The following HTT variants were observed in gnomAD, a reference collection of about 807,000 sequenced individuals.
HTT encodes the protein huntingtin.
A neutral mutation model predicts 362.3 loss-of-function variants in HTT; 104 were observed. That is an observed-to-expected ratio of 0.29 (90% CI 0.24 to 0.34). The LOEUF is 0.34. Among genes scored for constraint, HTT ranks in the 10% least tolerant of loss-of-function variants. The pLI is 1.00. For missense variants in HTT, 3,301 were observed against 3,928.6 expected (o/e 0.84, Z 4.27); for synonymous variants, 1,577 against 1,548.7 (o/e 1.02, Z -0.43).
intron 40 of HTT, among the ~76,000 whole-genome samples, chr4:3,191,659 C>T (rs941921458): frequency 6.6e-5 from 10 of 152,136 alleles, no homozygotes; most frequent in African/African-American, 2.4e-5. Flanking sequence ...AAATCTTCAC[C>T]TAGCATTGTT....
chr4:3,186,833 GTTTGC>G, intron 38 of HTT, 114 bp downstream of exon 38: 2 of 362,166 alleles, frequency 5.5e-6, no homozygotes, highest in East Asian at 6.4e-5. Context: ...CTTCTTGAGA[GTTTGC>G]TTTTTTTTTT....
intron 3 of HTT, among the ~76,000 whole-genome samples, chr4:3,103,385 C>T (rs774336503): frequency 2.0e-5 from 3 of 151,440 alleles, no homozygotes; most frequent in African/African-American, 7.3e-5. Flanking sequence ...CCACCACACC[C>T]GGCTAATTTT....
chr4:3,197,710 T>C (rs1421484330), intron 40 of HTT, among the ~76,000 whole-genome samples: 1 of 152,148 alleles, frequency 6.6e-6, no homozygotes, highest in Non-Finnish European at 1.5e-5. Context: ...GTAAGGTGCA[T>C]CCAAGGTCAC....
Position 3,218,661 on chromosome 4 carries a change from C to G in HTT, c.7242+709C>G, listed in dbSNP as rs1402060641. Among the ~76,000 whole-genome samples, 1 of 151,964 alleles carries G rather than the reference C, an allele frequency of 6.6e-6. No homozygotes were observed. Among genetic ancestry groups the G allele is most frequent in the African/African-American group, 2.4e-5 (1 of 41,378 alleles). ...AAAAAAAAAGGTAGGTGTTATTGAT[C>G]AGAACCCTTGTTTCAGATAACATGA... On this transcript the variant is annotated intron_variant, in intron 52 of 66. Transcript: ENST00000355072. The surrounding 1 kb of genome is among the most constrained non-coding windows in gnomAD (Gnocchi z 4.4).
intron 42 of HTT, among the ~76,000 whole-genome samples, chr4:3,205,990 G>A (rs1013053087): frequency 2.6e-5 from 4 of 152,244 alleles, no homozygotes; most frequent in African/African-American, 9.6e-5. Flanking sequence ...TTCATATTTT[G>A]GATTCAACAG....
chr4:3,230,226 T>A (rs1411051475), intron 60 of HTT, among the ~76,000 whole-genome samples, 184 bp downstream of exon 60: 1 of 152,206 alleles, frequency 6.6e-6, no homozygotes, highest in Non-Finnish European at 1.5e-5. Flanking sequence ...CGACGGTCAG[T>A]GCCATTCACA....
At chr4:3,099,871 CTTGTATGGTTTGGAGGTGCTCTG>C (rs1404368079) in intron 3 of HTT, among the ~76,000 whole-genome samples, 2,744 of 145,072 alleles carry the variant, frequency 0.019, 81 homozygotes, top group African/African-American at 0.062. Context: ...TGGAGGTGCT[CTTGTATGGTTTGGAGGTGCTCTG>C]TTGTATGGTT....
intron 53 of HTT, 79 bp from the exon 54 acceptor site, chr4:3,222,308 T>C: frequency 1.7e-6 from 2 of 1,211,202 alleles, no homozygotes; most frequent in Non-Finnish European, 1.2e-6. Context: ...GGGGCCGTGC[T>C]GTGTCGGCGT....
intron 22 of HTT, among the ~76,000 whole-genome samples, chr4:3,141,655 G>T (rs1578531987): frequency 6.6e-6 from 1 of 152,094 alleles, no homozygotes; most frequent in Non-Finnish European, 1.5e-5. Context: ...CCAGCTACTC[G>T]GGAGGCTGAG....
chr4:3,187,558 T>G (rs1718825087), intron 38 of HTT, 93 bp from the exon 39 acceptor site: 1 of 832,230 alleles, frequency 1.2e-6, no homozygotes, highest in Non-Finnish European at 2.0e-6. Context: ...GATAGTAAAA[T>G]AGGAGTTATT....
At chr4:3,188,561 T>C (rs528021328) in intron 39 of HTT, 1 of 175,936 alleles carries the variant, frequency 5.7e-6, no homozygotes, top group East Asian at 1.7e-4. Context: ...TCGAAGGAGA[T>C]AAGCCCAGTA....
At chr4:3,226,222 G>T (rs1161240464) in intron 57 of HTT, among the ~76,000 whole-genome samples, 7 of 152,182 alleles carry the variant, frequency 4.6e-5, no homozygotes, top group Non-Finnish European at 7.3e-5. Flanking sequence ...GCCAGTTCTG[G>T]GTGGGAGCCC....
intron 47 of HTT, among the ~76,000 whole-genome samples, chr4:3,210,165 A>G (rs754397936): frequency 4.0e-4 from 61 of 152,152 alleles, no homozygotes; most frequent in Non-Finnish European, 7.9e-4. Context: ...GGTTATGCTG[A>G]TCGAGACAGA....
intron 5 of HTT, among the ~76,000 whole-genome samples, chr4:3,106,273 T>A (rs1227008853): frequency 6.6e-6 from 1 of 152,132 alleles, no homozygotes; most frequent in Non-Finnish European, 1.5e-5. Flanking sequence ...GGAGGATCAC[T>A]TGAGCCTGGG....
rs1578518197 is a variant in HTT at position 3,125,703 on chromosome 4, C to G, written c.1402+74C>G. The G allele has an allele frequency of 6.2e-5, 67 of 1,087,184 alleles. No homozygotes were observed. The East Asian group carries it at 1.6e-3, about 25-fold the overall frequency. 67.3% of individuals were successfully genotyped at this position (1,087,184 alleles called of 1,614,324 possible). ...CCACCCCTTGCCCTTCCTGCTCGTC[C>G]CCCTGCACCTGGTGGACAGCACGAC... On this transcript the variant is annotated intron_variant, in intron 11 of 66. Transcript: ENST00000355072.
At chr4:3,225,528 C>T in intron 56 of HTT, 133 bp from the exon 57 acceptor site, 2 of 692,982 alleles carry the variant, frequency 2.9e-6, no homozygotes, top group South Asian at 3.7e-5. Context: ...AACCTGGGCC[C>T]TCCTGCCAGT....
At chr4:3,108,080 C>T (rs1416150493) in intron 6 of HTT, among the ~76,000 whole-genome samples, 7 of 152,188 alleles carry the variant, frequency 4.6e-5, no homozygotes, top group African/African-American at 1.7e-4. Context: ...AACTGCCCAA[C>T]AGCTCTAAGC....
intron 1 of HTT, among the ~76,000 whole-genome samples, chr4:3,080,538 C>T (rs1260902022): frequency 6.6e-6 from 1 of 152,160 alleles, no homozygotes; most frequent in Non-Finnish European, 1.5e-5. Flanking sequence ...AAAAACTCTC[C>T]CTTCCTTTGG....
At chr4:3,181,871 A>G (rs1718541717) in intron 36 of HTT, among the ~76,000 whole-genome samples, 1 of 152,182 alleles carries the variant, frequency 6.6e-6, no homozygotes, top group Non-Finnish European at 1.5e-5. Flanking sequence ...ATGATCACTA[A>G]TAAACTTGTG....
Sources: gnomAD v4.1 joint callset for allele counts (sites outside exome capture counted in the v4.1 genomes callset) on GRCh38, gnomAD v4.1.1 for gene constraint, Gnocchi (gnomAD v3.1) non-coding constraint, MANE v1.5 for transcripts, NCBI Gene and HGNC (gene_info 2026-07-23, HGNC 2026-07-21) for gene names.